Variants in CCT5 observed in about 807,000 individuals in gnomAD.
CCT5 encodes the protein chaperonin containing TCP1 subunit 5.
A neutral mutation model predicts 55.0 loss-of-function variants in CCT5; 6 were observed. That is an observed-to-expected ratio of 0.11 (90% CI 0.06 to 0.22). CCT5 has a LOEUF of 0.22. CCT5 is among the 10% of genes least tolerant of loss of function. The probability of loss-of-function intolerance (pLI) is 1.00; values close to 1 mark genes in which losing one functional copy is unlikely to be tolerated. For missense variants in CCT5, 560 were observed against 694.6 expected, an observed-to-expected ratio of 0.81 and a Z score of 2.18; for synonymous variants, 231 against 243.7, an observed-to-expected ratio of 0.95 and a Z score of 0.49.
At chr5:10,250,640 G>A in intron 1 of CCT5, 195 bp downstream of exon 1, 1 of 1,425,098 alleles carries the variant, frequency 7.0e-7, no homozygotes, top group African/African-American at 1.4e-5. Context: ...CCTGGGCTCG[G>A]AATGTGGGGG....
In CCT5 at chr5:10,264,863, T is replaced by A; in HGVS notation, c.*80T>A. On this transcript the variant is annotated 3_prime_UTR_variant, in exon 11 of 11. Transcript: ENST00000280326. ...GTCTCGTGATGCATCTACAGTTATT[T>A]ATTGTTACATCCTTTTCCAGACACT... is the stretch of plus-strand genomic sequence containing the variant. 6.4e-7 allele frequency: 1 copy of A among 1,566,836 alleles called. No homozygotes were observed. Among genetic ancestry groups the A allele is most frequent in the Non-Finnish European group, 8.8e-7 (1 of 1,140,806 alleles).
In CCT5 at chr5:10,265,054, C is replaced by T. The variant is rs553815249; in HGVS notation, c.*271C>T. 9 of 388,778 alleles carry T rather than the reference C, an allele frequency of 2.3e-5. No homozygotes were observed. In the Admixed American group the frequency reaches 3.5e-4, roughly 15 times the overall value. The allele number at this position is 388,778 out of a possible 1,614,324, so 24.1% of individuals were successfully genotyped here. A position where few individuals can be genotyped will look rare whatever the true frequency, so the allele number is the denominator to read the frequency against. On this transcript the variant is annotated 3_prime_UTR_variant, in exon 11 of 11. Transcript: ENST00000280326. ...CGGGTTTAAGAAACGTTTATTGTAA[C>T]AGTAATTAAATGCTGCCTTAATTGA...
intron 9 of CCT5, 131 bp from the exon 10 acceptor site, chr5:10,263,003 T>C: frequency 1.3e-6 from 1 of 777,864 alleles, no homozygotes. Context: ...GATACAAAAA[T>C]AAAGACAGCC....
intron 9 of CCT5, among the ~76,000 whole-genome samples, 156 bp from the exon 10 acceptor site, chr5:10,262,975 CATT>C (rs1014858470): frequency 2.5e-4 from 38 of 152,222 alleles, no homozygotes; most frequent in African/African-American, 9.2e-4. Flanking sequence ...TCTGTGGTGA[CATT>C]ATAATATTCT....
intron 4 of CCT5, among the ~76,000 whole-genome samples, chr5:10,256,703 CAACTA>C (rs1745699891): frequency 7.5e-6 from 1 of 133,690 alleles, no homozygotes; most frequent in Admixed American, 7.5e-5. Flanking sequence ...AAAAAAAAGT[CAACTA>C]GAAAGGGTCC....
intron 6 of CCT5, among the ~76,000 whole-genome samples, chr5:10,259,475 G>A (rs1041092777): frequency 1.3e-5 from 2 of 152,194 alleles, no homozygotes; most frequent in African/African-American, 4.8e-5. Flanking sequence ...GGCACTAAAG[G>A]TACAGCAGGG....
chr5:10,254,461 G>T, intron 2 of CCT5: 1 of 604,264 alleles, frequency 1.7e-6, no homozygotes, highest in East Asian at 2.8e-5. Context: ...TGTCTTTTGA[G>T]ATTAACATTA....
At position 10,254,935 on chromosome 5, in the gene CCT5, A is replaced by G. The variant is rs140455419; in HGVS notation, c.331+97A>G. 1.6e-4 allele frequency: 159 copies of G among 1,013,752 alleles called. No individual in the cohort carries two copies. In the East Asian group the frequency reaches 3.2e-3, roughly 21 times the overall value. 62.8% of individuals were successfully genotyped at this position (1,013,752 alleles called of 1,614,324 possible). Reference sequence around the variant, plus strand: ...GAGATTGTTGTCTCTGAATCAGAGCATGAGGAGACAGACAAATCCAAGTTG... The same window carrying G: ...GAGATTGTTGTCTCTGAATCAGAGCGTGAGGAGACAGACAAATCCAAGTTG... On this transcript the variant is annotated intron_variant, in intron 3 of 10. Transcript: ENST00000280326.
chr5:10,258,476 G>A lies in CCT5; in HGVS notation c.814G>A (p.Glu272Lys), dbSNP rs781347459. 1.7e-5 allele frequency: 27 copies of A among 1,613,966 alleles called. No homozygotes were observed. The highest frequency in any genetic ancestry group is 5.0e-5 in the Admixed American group (3 of 60,002). Reference protein sequence around the residue: ...TKHKLDVTSVEDYKALQKYEK... With the variant: ...TKHKLDVTSVKDYKALQKYEK... ...GCATAAGCTGGATGTGACCTCTGTC[G>A]AAGATTATAAAGCCCTTCAGAAATA... Residue 272 changes from glutamate (E) to lysine (K), a missense_variant, in exon 6 of 11, where the codon GAA becomes AAA. Glu to Lys is a moderately conservative substitution (Grantham distance 56, BLOSUM62 1). This residue lies in a region of CCT5 where 256 missense variants were observed against 372.4 expected (regional missense o/e 0.69). Transcript: ENST00000280326.
At chr5:10,254,984 CGGA>C in intron 3 of CCT5, 146 bp downstream of exon 3, 3 of 715,748 alleles carry the variant, frequency 4.2e-6, no homozygotes, top group Non-Finnish European at 4.9e-6. Context: ...AAACAAATGT[CGGA>C]CTTTCAAAAC....
At chr5:10,252,997 T>A (rs957250863) in intron 1 of CCT5, among the ~76,000 whole-genome samples, 1 of 152,142 alleles carries the variant, frequency 6.6e-6, no homozygotes, top group African/African-American at 2.4e-5. Flanking sequence ...GTAACTTTTT[T>A]ATTATCACTT....
chr5:10,254,850 C>T lies in CCT5; in HGVS notation c.331+12C>T. Reference sequence around the variant, plus strand: ...CACAGGAGTGGTTGGTAAGAAAAGACAAAACATCCTTTCTCATTTAAGAGA... The same window carrying T: ...CACAGGAGTGGTTGGTAAGAAAAGATAAAACATCCTTTCTCATTTAAGAGA... On this transcript the variant is annotated intron_variant, in intron 3 of 10. Coordinates refer to ENST00000280326, the MANE Select transcript of CCT5 (RefSeq NM_012073.5). 1 of 1,609,734 alleles carries T rather than the reference C, an allele frequency of 6.2e-7. No individual in the cohort carries two copies. The highest frequency in any genetic ancestry group is 8.5e-7 in the Non-Finnish European group (1 of 1,176,116).
chr5:10,255,996 G>T lies in CCT5; in HGVS notation c.373G>T (p.Asp125Tyr). ...GTTAGAAGAAGCGGAGCAATTGCTA[G>T]ACCGAGGCATTCACCCAATCAGAAT... Reference protein sequence around the residue: ...ALLEEAEQLLDRGIHPIRIAD... With the variant: ...ALLEEAEQLLYRGIHPIRIAD... Residue 125 changes from aspartate to tyrosine, a missense_variant, in exon 4 of 11, where the codon GAC becomes TAC. Physicochemically the swap from Asp to Tyr is radical, Grantham distance 160. Around this residue, in one of 4 missense-constraint regions of CCT5, gnomAD observed 137 missense variants for 181.9 expected, o/e 0.75. Coordinates refer to ENST00000280326, the MANE Select transcript of CCT5 (RefSeq NM_012073.5). The T allele has an allele frequency of 6.2e-7, 1 of 1,614,188 alleles. No homozygotes were observed. The highest frequency in any genetic ancestry group is 1.1e-5 in the South Asian group (1 of 91,044).
upstream of CCT5, chr5:10,249,921 AAAAAAAAAAAAAAC>A (rs754986085): frequency 4.5e-3 from 6,450 of 1,431,296 alleles, 68 homozygotes; most frequent in East Asian, 0.022. Context: ...AAAAAAAAAA[AAAAAAAAAAAAAAC>A]CGGAAATGGG....
chr5:10,250,262 C>T (rs753668175), upstream of CCT5: 22 of 1,603,410 alleles, frequency 1.4e-5, no homozygotes, highest in South Asian at 2.0e-4. Context: ...CTTTTGGGCC[C>T]TCCCGAGAAA....
chr5:10,261,827 G>C, intron 8 of CCT5, 82 bp downstream of exon 8: 4 of 1,047,658 alleles, frequency 3.8e-6, no homozygotes, highest in Non-Finnish European at 6.0e-6. Context: ...ATTTAACAGA[G>C]ACACAGTCAC....
intron 1 of CCT5, 97 bp downstream of exon 1, chr5:10,250,542 C>T (rs1745329838): frequency 5.8e-6 from 9 of 1,554,712 alleles, no homozygotes; most frequent in African/African-American, 2.7e-5. Flanking sequence ...CTGCCATGTG[C>T]TCCCCGGAAA....
At chr5:10,263,927 GT>G (rs1746103167) in intron 10 of CCT5, among the ~76,000 whole-genome samples, 2 of 152,176 alleles carry the variant, frequency 1.3e-5, no homozygotes, top group Non-Finnish European at 2.9e-5. Flanking sequence ...GCAACTCTTT[GT>G]GAGGCAAACA....
chr5:10,249,935 C>CAAAAA, upstream of CCT5: 2 of 716,850 alleles, frequency 2.8e-6, 1 homozygote, highest in Non-Finnish European at 3.4e-6. Context: ...AAAAAAAAAA[C>CAAAAA]CGGAAATGGG....
Sources: gnomAD v4.1 joint callset for allele counts (sites outside exome capture counted in the v4.1 genomes callset) on GRCh38, gnomAD v4.1.1 for gene constraint, gnomAD v4.1.1 regional missense constraint, MANE v1.5 for transcripts, NCBI Gene and HGNC (gene_info 2026-07-23, HGNC 2026-07-21) for gene names.